Variants in TRAPPC10 observed in about 807,000 individuals in gnomAD.
TRAPPC10 encodes TRAPP 130 kDa subunit.
TRAPPC10 carries 23 observed loss-of-function variants against 125.5 expected under a neutral mutation model. The observed-to-expected ratio is 0.18, with a 90% CI of 0.13 to 0.26. The LOEUF is 0.26. Ranked by LOEUF, TRAPPC10 falls within the 10% of genes least tolerant of loss-of-function variation. The pLI, the probability that TRAPPC10 is intolerant of heterozygous loss-of-function variation, is 1.00. For missense variants in TRAPPC10, 1,123 were observed against 1,308.4 expected, an observed-to-expected ratio of 0.86 and a Z score of 2.19; for synonymous variants, 509 against 518.0, an observed-to-expected ratio of 0.98 and a Z score of 0.24.
chr21:44,035,436 T>C (rs1030333795), intron 2 of TRAPPC10, among the ~76,000 whole-genome samples: 5 of 152,272 alleles, frequency 3.3e-5, no homozygotes, highest in African/African-American at 1.2e-4. Context: ...TGTGTGTTGG[T>C]GGGCGGTGAG....
chr21:44,016,044 A>G (rs2031803182), intron 1 of TRAPPC10, among the ~76,000 whole-genome samples: 1 of 152,208 alleles, frequency 6.6e-6, no homozygotes, highest in South Asian at 2.1e-4. Flanking sequence ...TGAAGAGTGT[A>G]TGTGAAATGT....
chr21:44,085,349 A>G (rs1401474695), intron 15 of TRAPPC10, among the ~76,000 whole-genome samples: 1 of 152,160 alleles, frequency 6.6e-6, no homozygotes, highest in African/African-American at 2.4e-5. Flanking sequence ...GCTAATGTCT[A>G]CCACAGGGTT....
intron 17 of TRAPPC10, chr21:44,088,738 C>T (rs1429548683): frequency 6.1e-6 from 1 of 163,774 alleles, no homozygotes; most frequent in Non-Finnish European, 1.3e-5. Context: ...CCGTGTTATC[C>T]CGCTCTTCCC....
chr21:44,079,952 C>A, intron 12 of TRAPPC10, 63 bp from the exon 13 acceptor site: 1 of 1,440,738 alleles, frequency 6.9e-7, no homozygotes, highest in South Asian at 1.2e-5. Flanking sequence ...GGAGACTTTG[C>A]ATCCACTTCC....
chr21:44,068,861 C>T (rs764291117), intron 7 of TRAPPC10, among the ~76,000 whole-genome samples: 8 of 152,084 alleles, frequency 5.3e-5, no homozygotes, highest in Admixed American at 2.6e-4. Context: ...CTCAGCCTCC[C>T]GAAGTGCCAG....
intron 2 of TRAPPC10, among the ~76,000 whole-genome samples, chr21:44,036,588 G>A (rs947288537): frequency 6.6e-6 from 1 of 152,162 alleles, no homozygotes; most frequent in Non-Finnish European, 1.5e-5. Context: ...GGAGATAGGT[G>A]CACTGAAGTG....
chr21:44,012,897 A>T (rs1446725659), intron 1 of TRAPPC10, among the ~76,000 whole-genome samples: 1 of 151,484 alleles, frequency 6.6e-6, no homozygotes, highest in Non-Finnish European at 1.5e-5. Flanking sequence ...GCCCCCGTTG[A>T]GCCGCGCGCC....
At chr21:44,015,279 G>T (rs1467370408) in intron 1 of TRAPPC10, among the ~76,000 whole-genome samples, 1 of 152,160 alleles carries the variant, frequency 6.6e-6, no homozygotes, top group African/African-American at 2.4e-5. Flanking sequence ...TTTCTGGGAA[G>T]AATATAGAAT....
intron 6 of TRAPPC10, among the ~76,000 whole-genome samples, chr21:44,061,498 A>G (rs1166165397): frequency 7.7e-6 from 1 of 130,338 alleles, no homozygotes; most frequent in Admixed American, 7.5e-5. Context: ...CGATCTCTTA[A>G]CCTCGTGATT....
intron 19 of TRAPPC10, among the ~76,000 whole-genome samples, chr21:44,093,188 G>T (rs1390780305): frequency 6.6e-6 from 1 of 152,208 alleles, no homozygotes; most frequent in Admixed American, 6.5e-5. Flanking sequence ...TTTGGGCATG[G>T]TGGCTCACAC....
At chr21:44,043,894 G>C (rs2034588958) in intron 3 of TRAPPC10, among the ~76,000 whole-genome samples, 1 of 152,162 alleles carries the variant, frequency 6.6e-6, no homozygotes, top group Non-Finnish European at 1.5e-5. Flanking sequence ...GCCTGCCCCA[G>C]CTGAGTCCCA....
intron 1 of TRAPPC10, among the ~76,000 whole-genome samples, chr21:44,017,256 T>C (rs1024768221): frequency 7.9e-5 from 12 of 152,220 alleles, no homozygotes; most frequent in African/African-American, 2.2e-4. Flanking sequence ...ATGTCATTTC[T>C]ACCCGAGCAT....
chr21:44,016,804 G>GC (rs1458744314), intron 1 of TRAPPC10, among the ~76,000 whole-genome samples: 5 of 152,064 alleles, frequency 3.3e-5, no homozygotes, highest in Non-Finnish European at 7.4e-5. Context: ...GACTACAGGC[G>GC]CCCGCCACCA....
Position 44,059,045 on chromosome 21 carries a change from T to G in TRAPPC10, c.679-58T>G. 2 of 1,362,306 alleles carry G rather than the reference T, an allele frequency of 1.5e-6. No individual in the cohort carries two copies. Among genetic ancestry groups the G allele is most frequent in the South Asian group, 2.8e-5 (2 of 72,678 alleles). 84.4% of individuals were successfully genotyped at this position (1,362,306 alleles called of 1,614,324 possible). Reference sequence around the variant, plus strand: ...TGTCGTTTAATGGCTACATACTGTTTCTTCTATACATTGATTTATGTTTTT... The same window carrying G: ...TGTCGTTTAATGGCTACATACTGTTGCTTCTATACATTGATTTATGTTTTT... On this transcript the variant is annotated intron_variant, in intron 5 of 22. Transcript: ENST00000291574. The surrounding 1 kb of genome is among the most constrained non-coding windows in gnomAD (Gnocchi z 4.4).
rs1327689583 is a variant in TRAPPC10 at position 44,074,316 on chromosome 21, C to A, written c.1039-8C>A. ...ACCCCTCACACGTTCGCATTTGCAC[C>A]CCCACAGGTCTCTGTCCCACCTGGT... On this transcript the variant is annotated splice_polypyrimidine_tract_variant and splice_region_variant and intron_variant, in intron 7 of 22. Transcript: ENST00000291574. 1 of 1,613,554 alleles carries A rather than the reference C, an allele frequency of 6.2e-7. No individual in the cohort carries two copies. Among genetic ancestry groups the A allele is most frequent in the African/African-American group, 1.3e-5 (1 of 74,906 alleles).
chr21:44,036,515 C>G (rs2033995421), intron 2 of TRAPPC10, among the ~76,000 whole-genome samples: 1 of 152,208 alleles, frequency 6.6e-6, no homozygotes, highest in South Asian at 2.1e-4. Context: ...CTTCTGTGTA[C>G]AGAAAGCCAT....
chr21:44,073,219 CCTTGTTGGTTCCAG>C (rs1388881932), intron 7 of TRAPPC10, among the ~76,000 whole-genome samples: 2 of 151,960 alleles, frequency 1.3e-5, no homozygotes, highest in Non-Finnish European at 2.9e-5. Context: ...TTTGGTTCTT[CCTTGTTGGTTCCAG>C]GTCCTTTATT....
chr21:44,039,666 A>G (rs1275629700), intron 3 of TRAPPC10, among the ~76,000 whole-genome samples: 1 of 152,168 alleles, frequency 6.6e-6, no homozygotes, highest in Non-Finnish European at 1.5e-5. Flanking sequence ...GGAGTTTGAG[A>G]CCAGCCTGGC....
intron 1 of TRAPPC10, among the ~76,000 whole-genome samples, chr21:44,015,294 C>G (rs2031692033): frequency 6.6e-6 from 1 of 152,090 alleles, no homozygotes; most frequent in African/African-American, 2.4e-5. Flanking sequence ...TAGAATGTAA[C>G]TGGTTCAGGT....
Sources: gnomAD v4.1 joint callset for allele counts (sites outside exome capture counted in the v4.1 genomes callset) on GRCh38, gnomAD v4.1.1 for gene constraint, Gnocchi (gnomAD v3.1) non-coding constraint, MANE v1.5 for transcripts, NCBI Gene and HGNC (gene_info 2026-07-23, HGNC 2026-07-21) for gene names.